Variants in BTBD7 observed in about 807,000 individuals in gnomAD.
BTBD7 encodes the protein BTB/POZ domain-containing protein 7.
Under a neutral mutation model 99.9 loss-of-function variants are expected in BTBD7, and 38 were observed. The ratio of observed to expected loss-of-function variants is 0.38; its 90% CI spans 0.29 to 0.50. BTBD7 has a LOEUF of 0.50. Among genes scored for constraint, BTBD7 ranks in the 20% least tolerant of loss-of-function variants. BTBD7 has a pLI of 0.93. For synonymous variants in BTBD7, 520 were observed against 511.4 expected, an observed-to-expected ratio of 1.02 and a Z score of -0.23; for missense variants, 1,170 against 1,394.6, an observed-to-expected ratio of 0.84 and a Z score of 2.57.
In BTBD7 at chr14:93,238,083, AGAT is replaced by A. The variant is rs986570159; in HGVS notation, c.*4187_*4189del. On this transcript the variant is annotated 3_prime_UTR_variant, in exon 11 of 11. Coordinates refer to ENST00000334746, the MANE Select transcript of BTBD7 (RefSeq NM_001002860.4). ...CCCAGATACAGTTACATGTAGGTAC[AGAT>A]GATGAAGCTTCCAGAGCTTATCTGA... 4.1e-4 allele frequency: 63 copies of A among 152,670 alleles called. No homozygotes were observed. The highest frequency in any genetic ancestry group is 1.3e-3 in the African/African-American group (56 of 41,578). 9.5% of individuals were successfully genotyped at this position (152,670 alleles called of 1,614,324 possible).
chr14:93,251,522 T>G lies in BTBD7; in HGVS notation c.1883A>C (p.His628Pro). Residue 628 changes from histidine to proline, a missense_variant, in exon 8 of 11, where the codon CAC (histidine) becomes CCC (proline). Transcript: ENST00000334746. ...AVPQCCHMISHQQISSNQSSP... is the reference protein window; with the variant it reads ...AVPQCCHMISPQQISSNQSSP... ...TGACTGGTTGCTGCTGATCTGCTGG[T>G]GGCTGATCATGTGACAACACTGTGG... is the stretch of plus-strand genomic sequence containing the variant. 6.2e-7 allele frequency: 1 copy of G among 1,613,860 alleles called. No homozygotes were observed. Among genetic ancestry groups the G allele is most frequent in the East Asian group, 2.2e-5 (1 of 44,890 alleles).
chr14:93,252,441 G>A (rs541762752), intron 7 of BTBD7, among the ~76,000 whole-genome samples: 3 of 151,710 alleles, frequency 2.0e-5, no homozygotes, highest in Non-Finnish European at 4.4e-5. Context: ...TTGCAGTCTT[G>A]ACCTCCCAGG....
At chr14:93,259,309 T>C (rs2052463769) in intron 5 of BTBD7, among the ~76,000 whole-genome samples, 1 of 152,228 alleles carries the variant, frequency 6.6e-6, no homozygotes, top group African/African-American at 2.4e-5. Flanking sequence ...TATCTCTGTA[T>C]GGCACACCAC....
chr14:93,251,449 A>C lies in BTBD7; in HGVS notation c.1942+14T>G. The C allele has an allele frequency of 6.3e-7, 1 of 1,575,994 alleles. No homozygotes were observed. The highest frequency in any genetic ancestry group is 8.7e-7 in the Non-Finnish European group (1 of 1,153,670). On this transcript the variant is annotated intron_variant, in intron 8 of 10. Coordinates refer to ENST00000334746, the MANE Select transcript of BTBD7 (RefSeq NM_001002860.4). ...TTATTCATTTAAATATAAACACCCA[A>C]CATACTGCCTTACCTGGAATTTCGT...
intron 1 of BTBD7, among the ~76,000 whole-genome samples, chr14:93,309,335 C>G (rs2139800810): frequency 6.6e-6 from 1 of 151,768 alleles, no homozygotes; most frequent in South Asian, 2.1e-4. Flanking sequence ...GTAGCTCACG[C>G]CTGTAATTCC....
intron 1 of BTBD7, among the ~76,000 whole-genome samples, chr14:93,312,395 T>C (rs1503960): frequency 0.15 from 23,127 of 152,210 alleles, 2,194 homozygotes; most frequent in East Asian, 0.31. Flanking sequence ...CTTTTTCAAA[T>C]AGAAATCTTT....
At chr14:93,288,401 C>T in intron 3 of BTBD7, 1 of 643,960 alleles carries the variant, frequency 1.6e-6, no homozygotes, top group East Asian at 2.7e-5. Flanking sequence ...TTATATCTTT[C>T]ATTTCTGCTA....
At chr14:93,326,010 T>A (rs1358017484) in intron 1 of BTBD7, among the ~76,000 whole-genome samples, 3 of 152,188 alleles carry the variant, frequency 2.0e-5, no homozygotes, top group Non-Finnish European at 2.9e-5. Flanking sequence ...ATTTGTGATG[T>A]CAAATTTACA....
chr14:93,288,805 T>G, intron 3 of BTBD7: 1 of 1,515,244 alleles, frequency 6.6e-7, no homozygotes, highest in South Asian at 1.3e-5. Flanking sequence ...TGTAAGTGTA[T>G]ATACTTTTGA....
chr14:93,285,127 GTAAAA>G (rs2052762499), intron 3 of BTBD7, among the ~76,000 whole-genome samples: 1 of 152,134 alleles, frequency 6.6e-6, no homozygotes, highest in African/African-American at 2.4e-5. Context: ...ATAGACAGAA[GTAAAA>G]TAAACTGTCA....
chr14:93,327,697 G>A lies in BTBD7; in HGVS notation c.-107+5123C>T, dbSNP rs150621901. ...TATTCAACAGGGAAAGACTCAAAAC[G>A]TTTCCTCTAAGATCAGGAACAAGCC... On this transcript the variant is annotated intron_variant, in intron 1 of 10. Transcript: ENST00000334746. Among the ~76,000 whole-genome samples, 327 of 152,138 alleles carry A rather than the reference G, an allele frequency of 2.1e-3. 4 individuals are homozygous for A. The East Asian group carries it at 0.023, about 11-fold the overall frequency.
chr14:93,317,772 C>T (rs2053224200), intron 1 of BTBD7, among the ~76,000 whole-genome samples: 1 of 152,130 alleles, frequency 6.6e-6, no homozygotes, highest in African/African-American at 2.4e-5. Flanking sequence ...TTTACTATGC[C>T]TAAACTGTTT....
rs150770689 is a variant in BTBD7 at position 93,251,473 on chromosome 14, G to A, written c.1932C>T (p.Asn644=). The change falls in exon 8 of 11, where the codon AAC becomes AAT. Residue 644 remains asparagine (N), a synonymous_variant. Coordinates refer to ENST00000334746, the MANE Select transcript of BTBD7 (RefSeq NM_001002860.4). ...AACATACTGCCTTACCTGGAATTTC[G>A]TTGGCTACAACTGAAGGAGGGCTTG... ...NQSSPPSVVA[N]EIPVPRLLIM... The A allele has an allele frequency of 9.2e-5, 146 of 1,588,894 alleles. No individual in the cohort carries two copies. Among genetic ancestry groups the A allele is most frequent in the African/African-American group, 3.4e-4 (25 of 74,622 alleles).
intron 6 of BTBD7, among the ~76,000 whole-genome samples, chr14:93,254,591 T>C (rs1479942783): frequency 2.0e-5 from 3 of 152,190 alleles, no homozygotes; most frequent in Non-Finnish European, 2.9e-5. Context: ...CATGTGACCA[T>C]GGACATCTCC....
chr14:93,329,671 A>T (rs1429426104), intron 1 of BTBD7, among the ~76,000 whole-genome samples: 1 of 152,264 alleles, frequency 6.6e-6, no homozygotes, highest in Non-Finnish European at 1.5e-5. Flanking sequence ...ATGACATTAT[A>T]CTAAGTGAAA....
intron 1 of BTBD7, among the ~76,000 whole-genome samples, chr14:93,307,671 C>T (rs2053087341): frequency 6.6e-6 from 1 of 152,140 alleles, no homozygotes; most frequent in Admixed American, 6.5e-5. Flanking sequence ...TGCTCAAATA[C>T]TACCTCTTGG....
chr14:93,320,544 G>A (rs959649938), intron 1 of BTBD7, among the ~76,000 whole-genome samples: 1 of 152,206 alleles, frequency 6.6e-6, no homozygotes, highest in Non-Finnish European at 1.5e-5. Context: ...ATTCAGAGAG[G>A]AGGAAGACTT....
At chr14:93,262,133 A>AT (rs747240844) in intron 4 of BTBD7, among the ~76,000 whole-genome samples, 215 of 140,704 alleles carry the variant, frequency 1.5e-3, no homozygotes, top group Middle Eastern at 3.7e-3. Context: ...CACCCAGCTA[A>AT]TTTTTTTTTT....
intron 7 of BTBD7, 105 bp from the exon 8 acceptor site, chr14:93,251,757 T>C (rs1354117684): frequency 9.5e-7 from 1 of 1,048,844 alleles, no homozygotes; most frequent in Non-Finnish European, 1.3e-6. Context: ...AATTAATTTA[T>C]TTCTATTTTA....
Sources: allele counts gnomAD v4.1 joint callset (sites outside exome capture counted in the v4.1 genomes callset), GRCh38; gene constraint gnomAD v4.1.1; transcripts MANE v1.5; gene names NCBI Gene and HGNC (gene_info 2026-07-23, HGNC 2026-07-21).